NAALADL2: variants seen among roughly 807,000 people sequenced by gnomAD.
NAALADL2 encodes N-acetylated alpha-linked acidic dipeptidase like 2.
NAALADL2 carries 76 observed loss-of-function variants against 87.2 expected under a neutral mutation model. The ratio of observed to expected loss-of-function variants is 0.87; its 90% CI spans 0.72 to 1.05. NAALADL2 has a LOEUF of 1.05. NAALADL2 is among the 50% of genes least tolerant of loss of function. The pLI is 0.00. For synonymous variants in NAALADL2, 354 were observed against 331.0 expected, an observed-to-expected ratio of 1.07 and a Z score of -0.75; for missense variants, 1,089 against 945.8, an observed-to-expected ratio of 1.15 and a Z score of -1.99.
chr3:175,616,984 C>A (rs965393292), intron 10 of NAALADL2, among the ~76,000 whole-genome samples: 7 of 151,972 alleles, frequency 4.6e-5, no homozygotes, highest in Admixed American at 1.3e-4. Flanking sequence ...TCTGAGTCCA[C>A]CAAAGGGAGA....
rs559821773 is a variant in NAALADL2, at chr3:174,838,823, A to G, written c.-9+101077A>G. 3.9e-5 allele frequency among the ~76,000 whole-genome samples: 6 copies of G among 152,294 alleles called. No homozygotes were observed. In the East Asian group the frequency reaches 5.8e-4, roughly 15 times the overall value. ...AAAAACCTCTACAAAGGATACTACA[A>G]AACACTGCTGAAAGAAATCATAGAC... On this transcript the variant is annotated intron_variant, in intron 3 of 3. Transcript: ENST00000434257.
At chr3:175,257,189 TA>T (rs1271344143) in intron 4 of NAALADL2, 3 of 94,526 alleles carry the variant, frequency 3.2e-5, no homozygotes, top group African/African-American at 1.1e-4. Context: ...TTCCTTTTTC[TA>T]TTTAAAAAAA....
intron 5 of NAALADL2, among the ~76,000 whole-genome samples, chr3:175,437,765 G>A (rs1581885809): frequency 1.3e-5 from 2 of 152,010 alleles, no homozygotes; most frequent in Non-Finnish European, 2.9e-5. Flanking sequence ...ATAGATCAAT[G>A]TGTAGTACTT....
chr3:174,921,241 G>A (rs574940997), intron 1 of NAALADL2, among the ~76,000 whole-genome samples: 17 of 152,238 alleles, frequency 1.1e-4, no homozygotes, highest in Middle Eastern at 3.4e-3. Flanking sequence ...AAAAAGTGAA[G>A]TTCAATAAAA....
At chr3:174,767,454 C>G (rs1713958284) in intron 3 of NAALADL2, among the ~76,000 whole-genome samples, 1 of 152,100 alleles carries the variant, frequency 6.6e-6, no homozygotes, top group Non-Finnish European at 1.5e-5. Context: ...CATTCATGTT[C>G]CGAGGAGAAT....
chr3:174,844,308 C>T (rs936308901), intron 3 of NAALADL2, among the ~76,000 whole-genome samples: 12 of 152,060 alleles, frequency 7.9e-5, no homozygotes, highest in South Asian at 4.1e-4. Context: ...TATAGGTAGG[C>T]GAATTTATTT....
At chr3:174,474,984 A>T (rs1296644655) in intron 1 of NAALADL2, among the ~76,000 whole-genome samples, 1 of 152,038 alleles carries the variant, frequency 6.6e-6, no homozygotes, top group East Asian at 1.9e-4. Flanking sequence ...ATATATAATA[A>T]TATAAAGCTA....
At chr3:174,980,231 G>A (rs146902036) in intron 1 of NAALADL2, among the ~76,000 whole-genome samples, 4 of 152,228 alleles carry the variant, frequency 2.6e-5, no homozygotes, top group African/African-American at 9.6e-5. Flanking sequence ...ATTTTTGAAG[G>A]CAGAGACTAT....
chr3:175,416,435 C>T (rs1714650857), intron 5 of NAALADL2, among the ~76,000 whole-genome samples: 1 of 152,016 alleles, frequency 6.6e-6, no homozygotes, highest in African/African-American at 2.4e-5. Context: ...ATTGAATCAC[C>T]ACTTCCTTAC....
chr3:174,614,344 G>A (rs763860727), intron 2 of NAALADL2, among the ~76,000 whole-genome samples: 1 of 152,156 alleles, frequency 6.6e-6, no homozygotes, highest in Non-Finnish European at 1.5e-5. Context: ...TTGTGGTGGC[G>A]AGGCTTGCAA....
intron 5 of NAALADL2, among the ~76,000 whole-genome samples, chr3:175,337,990 T>A (rs1342489210): frequency 1.3e-5 from 2 of 151,952 alleles, no homozygotes; most frequent in Admixed American, 1.3e-4. Context: ...GCCTAATAAT[T>A]CAGTTCTGTT....
intron 11 of NAALADL2, among the ~76,000 whole-genome samples, chr3:175,730,906 T>G (rs1050938723): frequency 1.4e-4 from 21 of 152,164 alleles, no homozygotes; most frequent in Non-Finnish European, 2.2e-4. Context: ...AGTTATTTAC[T>G]TATGCTATGT....
intron 1 of NAALADL2, among the ~76,000 whole-genome samples, chr3:175,075,007 C>T (rs1411052007): frequency 1.3e-5 from 2 of 151,962 alleles, no homozygotes; most frequent in Non-Finnish European, 2.9e-5. Context: ...GTAAGCAATT[C>T]CATATAAAAC....
chr3:174,641,567 G>A (rs539029317), intron 2 of NAALADL2, among the ~76,000 whole-genome samples: 3 of 152,218 alleles, frequency 2.0e-5, no homozygotes, highest in African/African-American at 7.2e-5. Flanking sequence ...GTGGAGTGAC[G>A]CTGGGAATTC....
intron 1 of NAALADL2, among the ~76,000 whole-genome samples, chr3:175,038,213 CAT>C (rs1214299539): frequency 6.6e-6 from 1 of 151,980 alleles, no homozygotes; most frequent in African/African-American, 2.4e-5. Flanking sequence ...CTAAATGAAA[CAT>C]ATTTATTTGC....
At chr3:174,612,113 G>A (rs2086556013) in intron 2 of NAALADL2, among the ~76,000 whole-genome samples, 1 of 152,000 alleles carries the variant, frequency 6.6e-6, no homozygotes, top group African/African-American at 2.4e-5. Context: ...AGTATGTATT[G>A]CTGCTCTCTC....
intron 11 of NAALADL2, among the ~76,000 whole-genome samples, chr3:175,650,306 A>G (rs1454546603): frequency 1.3e-5 from 2 of 152,172 alleles, no homozygotes; most frequent in African/African-American, 4.8e-5. Context: ...GTCCAAGACT[A>G]GGTCTGGGGG....
intron 11 of NAALADL2, among the ~76,000 whole-genome samples, chr3:175,667,191 GAA>G (rs1287279166): frequency 9.6e-4 from 83 of 86,572 alleles, no homozygotes; most frequent in African/African-American, 6.1e-3. Flanking sequence ...GAGAAAGAAA[GAA>G]AGAAAGAAAG....
intron 1 of NAALADL2, among the ~76,000 whole-genome samples, chr3:174,920,675 T>C (rs1042152657): frequency 2.6e-5 from 4 of 152,220 alleles, no homozygotes; most frequent in Admixed American, 6.5e-5. Flanking sequence ...TTAATTTCTT[T>C]TATGAACTTT....
Sources: gnomAD v4.1 joint callset for allele counts (sites outside exome capture counted in the v4.1 genomes callset) on GRCh38, gnomAD v4.1.1 for gene constraint, MANE v1.5 for transcripts, NCBI Gene and HGNC (gene_info 2026-07-23, HGNC 2026-07-21) for gene names.